The following DIAPH3 variants were observed in gnomAD, a reference collection of about 807,000 sequenced individuals.
The protein encoded by DIAPH3 is protein diaphanous homolog 3.
In DIAPH3, 117 loss-of-function variants were observed where a neutral mutation model predicts 144.3. The observed-to-expected ratio is 0.81, with a 90% confidence interval of 0.70 to 0.95. The LOEUF is 0.95. Ranked by LOEUF, DIAPH3 falls within the 40% of genes least tolerant of loss-of-function variation. The pLI is 0.00. For missense variants in DIAPH3, 1,421 were observed against 1,412.7 expected (o/e 1.01, Z -0.09); for synonymous variants, 519 against 488.9 (o/e 1.06, Z -0.81).
At chr13:59,856,967 A>G (rs1157401377) in intron 22 of DIAPH3, among the ~76,000 whole-genome samples, 1 of 152,118 alleles carries the variant, frequency 6.6e-6, no homozygotes, top group Non-Finnish European at 1.5e-5. Context: ...AGACCAAATA[A>G]TATATCGTAC....
chr13:59,953,468 A>G (rs2049210831), intron 17 of DIAPH3, among the ~76,000 whole-genome samples: 2 of 152,196 alleles, frequency 1.3e-5, no homozygotes, highest in Non-Finnish European at 2.9e-5. Flanking sequence ...GGGCTCTCCA[A>G]TGCCTGGTGA....
chr13:59,666,842 A>T lies in DIAPH3; in HGVS notation c.3324T>A (p.Asn1108Lys). The T allele has an allele frequency of 6.2e-7, 1 of 1,614,014 alleles. No homozygotes were observed. Among genetic ancestry groups the T allele is most frequent in the South Asian group, 1.1e-5 (1 of 91,068 alleles). ...ACCCTTCTGTCAACTGCACTTTCTGATTTTCTACAGTAAGGAAAAAAGAAA... is the reference window on the plus strand; with the variant it reads ...ACCCTTCTGTCAACTGCACTTTCTGTTTTTCTACAGTAAGGAAAAAAGAAA... ...RPVLKVCNHE[N>K]QKVQLTEGSR... The change falls in exon 28 of 28, where the codon AAT (asparagine) becomes AAA (lysine). Residue 1108 changes from asparagine to lysine, a missense_variant. By Grantham distance (94) the Asn-to-Lys change is moderately conservative. Transcript: ENST00000400324.
rs548628034 is a variant in DIAPH3, at chr13:59,799,525, G to T, written c.3163+11263C>A. On this transcript the variant is annotated intron_variant, in intron 25 of 27. Coordinates refer to ENST00000400324, the MANE Select transcript of DIAPH3 (RefSeq NM_001042517.2). ...GTTATATCTCTGCATATCTGAACTTGCTGTCCTAACTATGAAATTCCCCGT... is the reference window on the plus strand; with the variant it reads ...GTTATATCTCTGCATATCTGAACTTTCTGTCCTAACTATGAAATTCCCCGT... 3.9e-5 allele frequency among the ~76,000 whole-genome samples: 6 copies of T among 152,178 alleles called. No homozygotes were observed. The South Asian group carries it at 1.2e-3, about 32-fold the overall frequency.
chr13:60,025,277 C>T (rs1264461033), intron 5 of DIAPH3, among the ~76,000 whole-genome samples: 1 of 151,490 alleles, frequency 6.6e-6, no homozygotes, highest in Non-Finnish European at 1.5e-5. Context: ...ACCTCCAAAT[C>T]TGACAAAAAG....
intron 23 of DIAPH3, among the ~76,000 whole-genome samples, chr13:59,834,068 A>G (rs971534223): frequency 2.6e-5 from 4 of 151,774 alleles, no homozygotes; most frequent in African/African-American, 4.8e-5. Context: ...ACACACATAT[A>G]GAAACGTTCT....
In DIAPH3 at chr13:59,839,346, T is replaced by G; in HGVS notation, c.2840A>C (p.Asp947Ala). 6.2e-7 allele frequency: 1 copy of G among 1,613,682 alleles called. No homozygotes were observed. Among genetic ancestry groups the G allele is most frequent in the Non-Finnish European group, 8.5e-7 (1 of 1,179,764 alleles). The change falls in exon 23 of 28, where the codon GAC becomes GCC. Residue 947 changes from aspartate (D) to alanine (A), a missense_variant. Coordinates refer to ENST00000400324, the MANE Select transcript of DIAPH3 (RefSeq NM_001042517.2). The stretch of plus-strand genomic sequence containing the variant: ...TATGGACATCTTTGTCACAAACTTG[T>G]CATGCAAGTCCTCAGGAGGGGGAAA... ...ETFPPPEDLH[D>A]KFVTKMSRFV...
At chr13:59,679,493 T>C (rs2032824966) in intron 27 of DIAPH3, among the ~76,000 whole-genome samples, 1 of 152,142 alleles carries the variant, frequency 6.6e-6, no homozygotes, top group Non-Finnish European at 1.5e-5. Context: ...CTCCTGTCTC[T>C]ATGGTAACAC....
At chr13:59,734,770 T>A (rs2036056798) in intron 27 of DIAPH3, among the ~76,000 whole-genome samples, 1 of 152,200 alleles carries the variant, frequency 6.6e-6, no homozygotes, top group South Asian at 2.1e-4. Flanking sequence ...CTCTCTTCAG[T>A]CCATCTGGTC....
chr13:60,000,936 C>T (rs939546248), intron 9 of DIAPH3, among the ~76,000 whole-genome samples: 2 of 152,106 alleles, frequency 1.3e-5, no homozygotes, highest in Non-Finnish European at 1.5e-5. Context: ...TTAGAAGAAC[C>T]GGGCTAAAGG....
chr13:59,987,475 T>TA (rs201333360), intron 12 of DIAPH3, among the ~76,000 whole-genome samples: 1,501 of 70,094 alleles, frequency 0.021, 15 homozygotes, highest in Middle Eastern at 0.055. Context: ...TAAAGTATAA[T>TA]AAAAAAAAAA....
intron 27 of DIAPH3, among the ~76,000 whole-genome samples, chr13:59,723,724 C>T (rs2035464668): frequency 6.6e-6 from 1 of 151,910 alleles, no homozygotes; most frequent in Admixed American, 6.6e-5. Context: ...AATTCTCCTG[C>T]CTCTGCCTCC....
chr13:59,955,980 A>C (rs1415080205), intron 17 of DIAPH3, among the ~76,000 whole-genome samples: 1 of 152,196 alleles, frequency 6.6e-6, no homozygotes, highest in Non-Finnish European at 1.5e-5. Flanking sequence ...AGAAATTTCC[A>C]AGCAGCAAAG....
chr13:59,717,754 G>GT (rs79476202), intron 27 of DIAPH3, among the ~76,000 whole-genome samples: 3,433 of 151,106 alleles, frequency 0.023, 91 homozygotes, highest in East Asian at 0.13. Context: ...GGTATAGGAG[G>GT]ATAAATCTTC....
intron 17 of DIAPH3, among the ~76,000 whole-genome samples, chr13:59,965,751 T>C (rs974177253): frequency 1.3e-5 from 2 of 152,158 alleles, no homozygotes; most frequent in South Asian, 4.1e-4. Flanking sequence ...GTTATTATGC[T>C]TCAACTAAGT....
At chr13:59,925,793 G>A (rs577584328) in intron 17 of DIAPH3, among the ~76,000 whole-genome samples, 1 of 151,956 alleles carries the variant, frequency 6.6e-6, no homozygotes, top group South Asian at 2.1e-4. Flanking sequence ...ATTTCTTCTA[G>A]GTTTTCCAAT....
intron 27 of DIAPH3, among the ~76,000 whole-genome samples, chr13:59,718,866 T>C (rs2035195846): frequency 6.6e-6 from 1 of 152,156 alleles, no homozygotes; most frequent in African/African-American, 2.4e-5. Context: ...TTTTGAGAGA[T>C]GTACTAGATA....
chr13:59,700,242 C>A (rs1049997664), intron 27 of DIAPH3, among the ~76,000 whole-genome samples: 2 of 152,056 alleles, frequency 1.3e-5, no homozygotes, highest in African/African-American at 4.8e-5. Flanking sequence ...ACCTAATTGC[C>A]CCCTTCCCTT....
At position 60,044,439 on chromosome 13, in the gene DIAPH3, AG is replaced by A. The variant is rs373173324; in HGVS notation, c.496-1620del. The A allele has an allele frequency of 2.1e-3, 315 of 152,314 alleles. 3 individuals are homozygous for A. The highest frequency in any genetic ancestry group is 7.3e-3 in the African/African-American group (304 of 41,576). The allele number at this position is 152,314 out of a possible 1,614,324, so 9.4% of individuals were successfully genotyped here. A position where few individuals can be genotyped will look rare whatever the true frequency, so the allele number is the denominator to read the frequency against. ...CAATGGTACAATCTCCGAAAATAAA[AG>A]GGGAAATGGTGAAAGCTATGAAAAT... is the stretch of plus-strand genomic sequence containing the variant. On this transcript the variant is annotated intron_variant, in intron 4 of 27. Coordinates refer to ENST00000400324, the MANE Select transcript of DIAPH3 (RefSeq NM_001042517.2).
intron 27 of DIAPH3, among the ~76,000 whole-genome samples, chr13:59,769,128 C>A (rs2037995554): frequency 1.3e-5 from 2 of 152,076 alleles, no homozygotes; most frequent in African/African-American, 4.8e-5. Context: ...TGTGGTTCAA[C>A]AATTCATATC....
Sources: allele counts gnomAD v4.1 joint callset (sites outside exome capture counted in the v4.1 genomes callset), GRCh38; gene constraint gnomAD v4.1.1; transcripts MANE v1.5; gene names NCBI Gene and HGNC (gene_info 2026-07-23, HGNC 2026-07-21).